ADAMTS17: variants seen among roughly 807,000 people sequenced by gnomAD.
The protein encoded by ADAMTS17 is A disintegrin and metalloproteinase with thrombospondin motifs 17.
Under a neutral mutation model 141.5 loss-of-function variants are expected in ADAMTS17, and 113 were observed. The observed-to-expected ratio is 0.80, with a 90% confidence interval of 0.69 to 0.93. ADAMTS17 has a LOEUF of 0.93. Among genes scored for constraint, ADAMTS17 ranks in the 40% least tolerant of loss-of-function variants. The pLI is 0.00. For synonymous variants in ADAMTS17, 768 were observed against 630.6 expected (o/e 1.22, Z -3.27); for missense variants, 1,659 against 1,517.9 (o/e 1.09, Z -1.54).
chr15:100,279,080 G>T (rs1463853409), intron 4 of ADAMTS17, among the ~76,000 whole-genome samples: 1 of 152,120 alleles, frequency 6.6e-6, no homozygotes, highest in Non-Finnish European at 1.5e-5. Flanking sequence ...TGCATTGGGG[G>T]TTCATCCAGC....
chr15:100,122,391 C>G (rs996933916), intron 12 of ADAMTS17, among the ~76,000 whole-genome samples: 3 of 152,150 alleles, frequency 2.0e-5, no homozygotes, highest in Non-Finnish European at 2.9e-5. Flanking sequence ...AATTTGCTAC[C>G]TAAATAATCC....
At position 100,091,428 on chromosome 15, in the gene ADAMTS17, A is replaced by C. The variant is rs1335116232; in HGVS notation, c.2137+4928T>G. ...TACAGGAACATGATTTGGTTTCATG[A>C]GGAAGCCATGGATAAAATCCAATGC... is the stretch of plus-strand genomic sequence containing the variant. On this transcript the variant is annotated intron_variant, in intron 15 of 21. Transcript: ENST00000268070. Among the ~76,000 whole-genome samples the C allele has an allele frequency of 3.9e-5, 6 of 152,192 alleles. No individual in the cohort carries two copies. In the East Asian group the frequency reaches 1.2e-3, roughly 29 times the overall value.
chr15:100,284,275 T>C (rs933901485), intron 3 of ADAMTS17, among the ~76,000 whole-genome samples: 8 of 152,332 alleles, frequency 5.3e-5, no homozygotes, highest in Middle Eastern at 6.8e-3. Context: ...CCCAGAATAC[T>C]GAGTAACAGG....
At chr15:100,221,036 A>T (rs1285607981) in intron 7 of ADAMTS17, among the ~76,000 whole-genome samples, 1 of 152,184 alleles carries the variant, frequency 6.6e-6, no homozygotes, top group African/African-American at 2.4e-5. Context: ...CCTAGGAGTG[A>T]AACAGCTGCC....
intron 4 of ADAMTS17, among the ~76,000 whole-genome samples, chr15:100,268,421 C>T (rs764106023): frequency 6.6e-5 from 10 of 152,134 alleles, no homozygotes; most frequent in African/African-American, 1.2e-4. Flanking sequence ...CCACCAACAG[C>T]GTATGAGCAT....
At chr15:100,140,388 T>TA (rs1350999817) in intron 10 of ADAMTS17, among the ~76,000 whole-genome samples, 1 of 151,780 alleles carries the variant, frequency 6.6e-6, no homozygotes, top group Non-Finnish European at 1.5e-5. Context: ...AACAAAAAGT[T>TA]AAAAAATAAC....
intron 3 of ADAMTS17, among the ~76,000 whole-genome samples, chr15:100,318,733 C>A (rs912882109): frequency 6.6e-6 from 1 of 152,194 alleles, no homozygotes; most frequent in Admixed American, 6.5e-5. Flanking sequence ...AGAAATCTCA[C>A]GCCTGTAAGT....
intron 4 of ADAMTS17, among the ~76,000 whole-genome samples, chr15:100,278,148 A>C (rs2044161274): frequency 6.6e-6 from 1 of 152,074 alleles, no homozygotes; most frequent in Non-Finnish European, 1.5e-5. Flanking sequence ...GGGGAGAGGG[A>C]AAGGGGGAAG....
chr15:100,025,247 C>G (rs1222675564), intron 18 of ADAMTS17, among the ~76,000 whole-genome samples: 1 of 152,076 alleles, frequency 6.6e-6, no homozygotes, highest in Non-Finnish European at 1.5e-5. Flanking sequence ...TCTATTTTGT[C>G]TAAAGTTAGG....
At chr15:100,096,542 T>A in intron 14 of ADAMTS17, 66 bp from the exon 15 acceptor site, 1 of 1,610,374 alleles carries the variant, frequency 6.2e-7, no homozygotes. Flanking sequence ...GAGGCTGCCC[T>A]GCAAGGCTAA....
intron 7 of ADAMTS17, among the ~76,000 whole-genome samples, chr15:100,205,343 C>T (rs889777462): frequency 6.6e-6 from 1 of 152,178 alleles, no homozygotes; most frequent in Non-Finnish European, 1.5e-5. Context: ...TTTATGCCAA[C>T]AGTTTGCTGC....
rs939328702 is a variant in ADAMTS17 at position 100,313,772 on chromosome 15, T to C, written c.616+17117A>G. On this transcript the variant is annotated intron_variant, in intron 3 of 21. Coordinates refer to ENST00000268070, the MANE Select transcript of ADAMTS17 (RefSeq NM_139057.4). Reference sequence around the variant, plus strand: ...GACAAAACCACCCCAAACGTCACCATGAAGAAACGTCAGACAAAACCACCC... The same window carrying C: ...GACAAAACCACCCCAAACGTCACCACGAAGAAACGTCAGACAAAACCACCC... Among the ~76,000 whole-genome samples the C allele has an allele frequency of 3.3e-5, 5 of 151,120 alleles. No homozygotes were observed. The East Asian group carries it at 9.7e-4, about 29-fold the overall frequency.
rs34086690 is a variant in ADAMTS17, at chr15:100,210,230, CAAAAAAAAAAAAAAAA to C, written c.1076-10823_1076-10808del. Among the ~76,000 whole-genome samples the C allele has an allele frequency of 1.6e-4, 5 of 31,184 alleles. 1 individual carries two copies. Among genetic ancestry groups the C allele is most frequent in the African/African-American group, 4.2e-4 (4 of 9,448 alleles). 20.5% of individuals were successfully genotyped at this position (31,184 alleles called of 152,430 possible). The stretch of plus-strand genomic sequence containing the variant: ...TGGGAGACAAAGCGAGACTCCATCT[CAAAAAAAAAAAAAAAA>C]AAAAAAAAAAAAAGAAGTGAGCTGG... On this transcript the variant is annotated intron_variant, in intron 7 of 21. Transcript: ENST00000268070.
chr15:100,063,583 T>C lies in ADAMTS17; in HGVS notation c.2138-9529A>G, dbSNP rs552141751. The C allele has an allele frequency of 3.1e-5, 34 of 1,112,064 alleles. No individual in the cohort carries two copies. In the South Asian group the frequency reaches 4.1e-4, roughly 14 times the overall value. The allele number at this position is 1,112,064 out of a possible 1,614,324, so 68.9% of individuals were successfully genotyped here. A position where few individuals can be genotyped will look rare whatever the true frequency, so the allele number is the denominator to read the frequency against. On this transcript the variant is annotated intron_variant, in intron 15 of 21. Transcript: ENST00000268070. ...TACAACACAGGCGTGAAACCAGCCATAACCCGGGAGGAATGACACTGAACC... is the reference window on the plus strand; with the variant it reads ...TACAACACAGGCGTGAAACCAGCCACAACCCGGGAGGAATGACACTGAACC...
At chr15:100,218,879 G>T (rs964717555) in intron 7 of ADAMTS17, among the ~76,000 whole-genome samples, 1 of 151,578 alleles carries the variant, frequency 6.6e-6, no homozygotes, top group East Asian at 1.9e-4. Context: ...ACCTGAACAC[G>T]CAAACGTCCA....
In ADAMTS17 at chr15:100,298,562, C is replaced by T. The variant is rs938249553; in HGVS notation, c.617-17161G>A. Among the ~76,000 whole-genome samples the T allele has an allele frequency of 8.5e-5, 13 of 152,080 alleles. No individual in the cohort carries two copies. In the East Asian group the frequency reaches 9.6e-4, roughly 11 times the overall value. On this transcript the variant is annotated intron_variant, in intron 3 of 21. Coordinates refer to ENST00000268070, the MANE Select transcript of ADAMTS17 (RefSeq NM_139057.4). ...GTGTTGGGCACACACATCCAGGAAC[C>T]GGTACAGAACTTCCAGGGAAAGCTG... is the stretch of plus-strand genomic sequence containing the variant.
At chr15:99,984,137 G>A (rs1205226141) in intron 20 of ADAMTS17, among the ~76,000 whole-genome samples, 2 of 152,058 alleles carry the variant, frequency 1.3e-5, no homozygotes, top group East Asian at 1.9e-4. Context: ...CTCTGAATTC[G>A]CGGCCTGCTG....
chr15:100,232,762 C>T (rs34267044), intron 7 of ADAMTS17, among the ~76,000 whole-genome samples: 14,937 of 152,224 alleles, frequency 0.098, 800 homozygotes, highest in East Asian at 0.16. Flanking sequence ...CCTGCCCAGG[C>T]CCTCCTCTCA....
At chr15:100,311,532 T>A (rs1439147403) in intron 3 of ADAMTS17, among the ~76,000 whole-genome samples, 1 of 152,174 alleles carries the variant, frequency 6.6e-6, no homozygotes, top group African/African-American at 2.4e-5. Context: ...AGGCCTTCTC[T>A]GCTTTGAGTT....
Sources: gnomAD v4.1 joint callset for allele counts (sites outside exome capture counted in the v4.1 genomes callset) on GRCh38, gnomAD v4.1.1 for gene constraint, MANE v1.5 for transcripts, NCBI Gene and HGNC (gene_info 2026-07-23, HGNC 2026-07-21) for gene names.